Variants in HECW1 observed in about 807,000 individuals in gnomAD.
HECW1 encodes the protein HECT, C2 and WW domain containing E3 ubiquitin protein ligase 1.
HECW1 carries 61 observed loss-of-function variants against 182.3 expected under a neutral mutation model. The observed-to-expected ratio is 0.33, with a 90% CI of 0.27 to 0.41. The LOEUF (loss-of-function observed/expected upper bound fraction) is 0.41. HECW1 is among the 10% of genes least tolerant of loss of function. HECW1 has a pLI of 1.00. For synonymous variants in HECW1, 859 were observed against 832.6 expected, an observed-to-expected ratio of 1.03 and a Z score of -0.55; for missense variants, 1,739 against 2,108.9, an observed-to-expected ratio of 0.82 and a Z score of 3.44.
At chr7:43,461,298 G>A (rs948378071) in intron 13 of HECW1, among the ~76,000 whole-genome samples, 8 of 152,196 alleles carry the variant, frequency 5.3e-5, no homozygotes, top group African/African-American at 1.7e-4. Flanking sequence ...GACTTTCCAC[G>A]AGGCCTGGGC....
At chr7:43,466,362 G>A in intron 14 of HECW1, 85 bp from the exon 15 acceptor site, 1 of 1,398,094 alleles carries the variant, frequency 7.2e-7, no homozygotes, top group Non-Finnish European at 9.9e-7. Flanking sequence ...GAAGGCTTGT[G>A]TGCTGCCACT....
intron 2 of HECW1, among the ~76,000 whole-genome samples, chr7:43,199,136 C>T (rs1028656897): frequency 1.3e-5 from 2 of 152,254 alleles, no homozygotes; most frequent in African/African-American, 4.8e-5. Flanking sequence ...AAGCTGAGAG[C>T]TCCCGCTCAG....
intron 2 of HECW1, among the ~76,000 whole-genome samples, chr7:43,132,109 C>T (rs1275168052): frequency 3.3e-5 from 5 of 152,188 alleles, no homozygotes; most frequent in African/African-American, 1.2e-4. Flanking sequence ...GTTTGTATCT[C>T]ATTTTCTGCA....
chr7:43,523,432 T>C (rs2080607930), intron 24 of HECW1, among the ~76,000 whole-genome samples: 1 of 152,092 alleles, frequency 6.6e-6, no homozygotes, highest in Non-Finnish European at 1.5e-5. Context: ...GAGAGAAATC[T>C]TGAATTATAA....
chr7:43,265,505 T>C (rs1414141653), intron 3 of HECW1, among the ~76,000 whole-genome samples: 1 of 152,238 alleles, frequency 6.6e-6, no homozygotes, highest in East Asian at 1.9e-4. Context: ...AAATTGTTCA[T>C]ACTTTGCTAT....
At chr7:43,333,155 C>A (rs1446802495) in intron 5 of HECW1, among the ~76,000 whole-genome samples, 1 of 152,186 alleles carries the variant, frequency 6.6e-6, no homozygotes, top group Admixed American at 6.5e-5. Flanking sequence ...GGGGGCCTTA[C>A]CTCCCTGGTA....
At chr7:43,128,096 G>A (rs1786482445) in intron 2 of HECW1, among the ~76,000 whole-genome samples, 2 of 151,972 alleles carry the variant, frequency 1.3e-5, no homozygotes, top group South Asian at 4.2e-4. Flanking sequence ...CCCAGGCTGG[G>A]CTCGAACTGC....
At chr7:43,549,249 C>A (rs1355304922) in intron 26 of HECW1, among the ~76,000 whole-genome samples, 1 of 152,220 alleles carries the variant, frequency 6.6e-6, no homozygotes, top group Non-Finnish European at 1.5e-5. Context: ...CGCTAAAAAT[C>A]AGACATTCCA....
At chr7:43,190,522 A>G (rs1245912724) in intron 2 of HECW1, among the ~76,000 whole-genome samples, 1 of 152,240 alleles carries the variant, frequency 6.6e-6, no homozygotes, top group Non-Finnish European at 1.5e-5. Context: ...ATGACAATGA[A>G]ATACATTGAT....
At chr7:43,201,755 G>C (rs1053876340) in intron 2 of HECW1, among the ~76,000 whole-genome samples, 8 of 152,198 alleles carry the variant, frequency 5.3e-5, no homozygotes, top group Non-Finnish European at 1.2e-4. Flanking sequence ...GAATGGTCTT[G>C]TGTGGAGAGA....
chr7:43,221,975 C>G (rs552734320), intron 2 of HECW1, among the ~76,000 whole-genome samples: 1 of 152,242 alleles, frequency 6.6e-6, no homozygotes, highest in Non-Finnish European at 1.5e-5. Context: ...CCAGAGTGTC[C>G]TCACCTGGTA....
intron 5 of HECW1, among the ~76,000 whole-genome samples, chr7:43,346,811 G>A (rs547229384): frequency 6.6e-6 from 1 of 152,180 alleles, no homozygotes; most frequent in Non-Finnish European, 1.5e-5. Flanking sequence ...TAAGTATTTG[G>A]GTTTATTTCT....
chr7:43,207,990 G>A (rs1325118924), intron 2 of HECW1: 1 of 152,166 alleles, frequency 6.6e-6, no homozygotes, highest in Non-Finnish European at 1.5e-5. Flanking sequence ...ATTAGGAGTT[G>A]TGATGTTACC....
At chr7:43,322,696 T>C (rs1000575455) in intron 5 of HECW1, among the ~76,000 whole-genome samples, 26 of 152,160 alleles carry the variant, frequency 1.7e-4, no homozygotes, top group African/African-American at 5.6e-4. Flanking sequence ...GTACCTGATA[T>C]AAACCTCCTA....
At chr7:43,125,758 A>AAAAAAAAG (rs1491153172) in intron 2 of HECW1, among the ~76,000 whole-genome samples, 3 of 24,522 alleles carry the variant, frequency 1.2e-4, no homozygotes, top group African/African-American at 7.6e-4. Flanking sequence ...ATTCTGTCTT[A>AAAAAAAAG]AAAAAAAAAA....
chr7:43,164,988 C>A (rs1790952177), intron 2 of HECW1, among the ~76,000 whole-genome samples: 2 of 152,180 alleles, frequency 1.3e-5, no homozygotes, highest in South Asian at 4.1e-4. Context: ...CTCTCTGAGT[C>A]AGGGAATGCC....
intron 3 of HECW1, among the ~76,000 whole-genome samples, chr7:43,264,013 G>A (rs1016750950): frequency 3.3e-5 from 5 of 152,122 alleles, no homozygotes; most frequent in Non-Finnish European, 1.5e-5. Context: ...GAAATGTTAT[G>A]TTTTTATATA....
chr7:43,467,850 G>A (rs1161924011), intron 15 of HECW1, among the ~76,000 whole-genome samples: 1 of 152,184 alleles, frequency 6.6e-6, no homozygotes, highest in Non-Finnish European at 1.5e-5. Context: ...GGTGGAGTTT[G>A]ACTGGGTGAT....
At chr7:43,443,148 A>G (rs1452494468) in intron 10 of HECW1, among the ~76,000 whole-genome samples, 1 of 152,256 alleles carries the variant, frequency 6.6e-6, no homozygotes, top group East Asian at 1.9e-4. Flanking sequence ...ATGCTAAAAC[A>G]GATTTCAAAA....
Sources: gnomAD v4.1 joint callset for allele counts (sites outside exome capture counted in the v4.1 genomes callset) on GRCh38, gnomAD v4.1.1 for gene constraint, MANE v1.5 for transcripts, NCBI Gene and HGNC (gene_info 2026-07-23, HGNC 2026-07-21) for gene names.